Variants in CHODL observed in about 807,000 individuals in gnomAD.
CHODL encodes the protein chondrolectin, also known as transmembrane protein MT75.
CHODL carries 29 observed loss-of-function variants against 34.5 expected under a neutral mutation model. The observed-to-expected ratio is 0.84, with a 90% confidence interval of 0.63 to 1.15. The LOEUF (loss-of-function observed/expected upper bound fraction) is 1.15, where lower values mean the gene tolerates loss of function less well. Among genes scored for constraint, CHODL ranks in the 50% most tolerant of loss-of-function variants. CHODL has a pLI of 0.00. For synonymous variants in CHODL, 125 were observed against 116.1 expected (o/e 1.08, Z -0.49); for missense variants, 332 against 332.5 (o/e 1.00, Z 0.01).
chr21:17,941,283 C>T (rs992186855), intron 1 of CHODL, among the ~76,000 whole-genome samples: 5 of 132,666 alleles, frequency 3.8e-5, no homozygotes, highest in African/African-American at 1.5e-4. Context: ...ACTTAACTTG[C>T]CTCTTTTTTT....
intron 2 of CHODL, among the ~76,000 whole-genome samples, chr21:18,104,106 T>C (rs2065246698): frequency 6.6e-6 from 1 of 152,176 alleles, no homozygotes; most frequent in African/African-American, 2.4e-5. Context: ...ACTAAGACAC[T>C]GGACAGGTGG....
chr21:18,021,807 G>A (rs2064130052), intron 1 of CHODL, among the ~76,000 whole-genome samples: 1 of 172 alleles, frequency 5.8e-3, no homozygotes, highest in African/African-American at 0.025. Context: ...TATGATATTG[G>A]AGGAAAAGAG....
At chr21:18,055,008 T>G (rs1423294864) in intron 2 of CHODL, among the ~76,000 whole-genome samples, 1 of 151,976 alleles carries the variant, frequency 6.6e-6, no homozygotes, top group African/African-American at 2.4e-5. Flanking sequence ...CTTTCACAGT[T>G]CATTGACCCT....
intron 2 of CHODL, among the ~76,000 whole-genome samples, chr21:18,183,466 A>C (rs1381961887): frequency 1.3e-5 from 2 of 152,222 alleles, no homozygotes; most frequent in Non-Finnish European, 2.9e-5. Context: ...AAGAGATTCC[A>C]GTCCTCCTTG....
rs1304827547 is a variant in CHODL, at chr21:18,002,065, C to A, written c.-144-25807C>A. Among the ~76,000 whole-genome samples, 6 of 152,178 alleles carry A rather than the reference C, an allele frequency of 3.9e-5. No individual in the cohort carries two copies. In the South Asian group the frequency reaches 1.0e-3, roughly 26 times the overall value. The stretch of plus-strand genomic sequence containing the variant: ...CTGTTCCAGTAACTCACTTTTTATT[C>A]ACCTGTACTTTTGTCATGGTATTGT... On this transcript the variant is annotated intron_variant, in intron 1 of 6. Transcript: ENST00000400127.
intron 2 of CHODL, among the ~76,000 whole-genome samples, chr21:18,180,412 G>A (rs1335751855): frequency 1.3e-5 from 2 of 152,116 alleles, no homozygotes; most frequent in Admixed American, 1.3e-4. Flanking sequence ...CCAAAGTGCT[G>A]GGATTATAGG....
At chr21:18,258,223 C>T (rs2074339942) in intron 3 of CHODL, among the ~76,000 whole-genome samples, 1 of 151,960 alleles carries the variant, frequency 6.6e-6, no homozygotes, top group Non-Finnish European at 1.5e-5. Flanking sequence ...CTTTAACCAT[C>T]TTGGTTGCTA....
intron 1 of CHODL, 58 bp from the exon 2 acceptor site, chr21:18,256,451 T>C: frequency 1.4e-6 from 2 of 1,443,998 alleles, no homozygotes; most frequent in East Asian, 2.3e-5. Context: ...TGATTCTTAG[T>C]GTTGTTACAA....
Position 18,245,095 on chromosome 21 carries a change from C to T in CHODL, c.-129C>T, listed in dbSNP as rs2074121640. 4.0e-6 allele frequency: 3 copies of T among 757,292 alleles called. No individual in the cohort carries two copies. The South Asian group carries it at 7.0e-5, about 18-fold the overall frequency. The allele number at this position is 757,292 out of a possible 1,614,324, so 46.9% of individuals were successfully genotyped here. A position where few individuals can be genotyped will look rare whatever the true frequency, so the allele number is the denominator to read the frequency against. ...GCGATGCGCGCAGGGGGTCGGGCAGCTGGGCTCGGGCGGCGGGAGTAGGGC... is the reference window on the plus strand; with the variant it reads ...GCGATGCGCGCAGGGGGTCGGGCAGTTGGGCTCGGGCGGCGGGAGTAGGGC... On this transcript the variant is annotated 5_prime_UTR_variant, in exon 1 of 6. Transcript: ENST00000299295.
intron 2 of CHODL, among the ~76,000 whole-genome samples, chr21:18,116,043 T>C (rs1191848126): frequency 6.6e-6 from 1 of 152,174 alleles, no homozygotes. Context: ...TCCTTGAGAA[T>C]ATTTTGTTTT....
chr21:18,041,184 G>A (rs1220943085), intron 2 of CHODL, among the ~76,000 whole-genome samples: 1 of 151,872 alleles, frequency 6.6e-6, no homozygotes, highest in Non-Finnish European at 1.5e-5. Context: ...TGTTATCGGT[G>A]TTATTGGCCT....
At chr21:18,018,062 C>A (rs576767819) in intron 1 of CHODL, among the ~76,000 whole-genome samples, 2 of 152,300 alleles carry the variant, frequency 1.3e-5, no homozygotes, top group South Asian at 4.1e-4. Context: ...CCTTTTGGAA[C>A]AGCAATGTTT....
chr21:18,010,979 C>T (rs529996075), intron 1 of CHODL, among the ~76,000 whole-genome samples: 1 of 152,288 alleles, frequency 6.6e-6, no homozygotes, highest in African/African-American at 2.4e-5. Flanking sequence ...GACATTCTTA[C>T]TTCTGAATAT....
intron 2 of CHODL, among the ~76,000 whole-genome samples, chr21:18,061,583 G>A (rs1403457513): frequency 6.6e-6 from 1 of 152,102 alleles, no homozygotes; most frequent in African/African-American, 2.4e-5. Flanking sequence ...CAAAATTATG[G>A]TAGAGCCCTT....
intron 2 of CHODL, among the ~76,000 whole-genome samples, chr21:18,126,128 C>T (rs1191122794): frequency 2.0e-5 from 3 of 152,184 alleles, no homozygotes; most frequent in Non-Finnish European, 2.9e-5. Flanking sequence ...TGCCACTGCA[C>T]AAGACATAGC....
At chr21:18,172,571 A>T (rs77274999) in intron 2 of CHODL, among the ~76,000 whole-genome samples, 21 of 104,570 alleles carry the variant, frequency 2.0e-4, no homozygotes, top group East Asian at 1.4e-3. Flanking sequence ...AGATTCAGCC[A>T]TTTTTTTTTT....
chr21:18,200,789 C>A (rs56869001), intron 2 of CHODL, among the ~76,000 whole-genome samples: 4,664 of 152,110 alleles, frequency 0.031, 247 homozygotes, highest in African/African-American at 0.11. Context: ...GGCCTTAAAT[C>A]CGATGACTTG....
At chr21:18,213,751 G>A (rs1290633398) in intron 2 of CHODL, among the ~76,000 whole-genome samples, 1 of 152,050 alleles carries the variant, frequency 6.6e-6, no homozygotes, top group Non-Finnish European at 1.5e-5. Context: ...AATTAGGACT[G>A]TATACAAGTA....
At chr21:18,127,582 A>T (rs1219598638) in intron 2 of CHODL, among the ~76,000 whole-genome samples, 1 of 151,404 alleles carries the variant, frequency 6.6e-6, no homozygotes, top group Non-Finnish European at 1.5e-5. Context: ...CACATAAAAC[A>T]TGTCCAAGAA....
Sources: allele counts gnomAD v4.1 joint callset (sites outside exome capture counted in the v4.1 genomes callset), GRCh38; gene constraint gnomAD v4.1.1; transcripts MANE v1.5; gene names NCBI Gene and HGNC (gene_info 2026-07-23, HGNC 2026-07-21).